The following TSNAX variants were observed in gnomAD, a reference collection of about 807,000 sequenced individuals.
TSNAX encodes translin associated factor X.
In TSNAX, 12 loss-of-function variants were observed where a neutral mutation model predicts 33.0. The observed-to-expected ratio is 0.36, with a 90% CI of 0.23 to 0.59. TSNAX has a LOEUF of 0.59. TSNAX is among the 20% of genes least tolerant of loss of function. The pLI is 0.74. For synonymous variants in TSNAX, 110 were observed against 117.2 expected, an observed-to-expected ratio of 0.94 and a Z score of 0.40; for missense variants, 267 against 341.3, an observed-to-expected ratio of 0.78 and a Z score of 1.72.
chr1:231,545,538 T>G (rs2124911114), intron 4 of TSNAX, among the ~76,000 whole-genome samples: 1 of 152,278 alleles, frequency 6.6e-6, no homozygotes, highest in Admixed American at 6.5e-5. Context: ...AAAAAAAAAT[T>G]TGTGTCCTGT....
At chr1:231,540,212 A>G (rs113659193) in intron 3 of TSNAX, among the ~76,000 whole-genome samples, 26 of 151,984 alleles carry the variant, frequency 1.7e-4, no homozygotes, top group African/African-American at 6.0e-4. Context: ...TATGAAAGAA[A>G]TGAGCCAGTC....
intron 4 of TSNAX, among the ~76,000 whole-genome samples, chr1:231,548,865 A>G (rs1558129622): frequency 6.6e-6 from 1 of 152,248 alleles, no homozygotes. Flanking sequence ...AGGAGAGTGT[A>G]GAGTGAGAAT....
chr1:231,563,214 A>G (rs1228934501), intron 5 of TSNAX, among the ~76,000 whole-genome samples: 6 of 152,198 alleles, frequency 3.9e-5, no homozygotes, highest in Non-Finnish European at 7.4e-5. Flanking sequence ...ATGTCCTTTG[A>G]TGTAACTGCA....
At chr1:231,554,969 G>T (rs1558133573) in intron 4 of TSNAX, among the ~76,000 whole-genome samples, 1 of 152,168 alleles carries the variant, frequency 6.6e-6, no homozygotes, top group Non-Finnish European at 1.5e-5. Context: ...TGGATGTAAA[G>T]TTCCAGATCC....
In TSNAX at chr1:231,566,517, C is replaced by G. The variant is rs1661447745; in HGVS notation, c.*1612C>G. ...TAAAGAAAATAAAACATGGACATGC[C>G]TAGTAAATTCTGTTTTTTTGTTTGT... On this transcript the variant is annotated 3_prime_UTR_variant, in exon 6 of 6. Transcript: ENST00000366639. The G allele has an allele frequency of 6.6e-6, 1 of 152,020 alleles. No individual in the cohort carries two copies. Among genetic ancestry groups the G allele is most frequent in the African/African-American group, 2.4e-5 (1 of 41,380 alleles). The allele number at this position is 152,020 out of a possible 1,614,324, so 9.4% of individuals were successfully genotyped here.
Position 231,528,846 on chromosome 1 carries a change from G to C in TSNAX, c.16+20G>C. 1 of 1,614,102 alleles carries C rather than the reference G, an allele frequency of 6.2e-7. No homozygotes were observed. Among genetic ancestry groups the C allele is most frequent in the Non-Finnish European group, 8.5e-7 (1 of 1,180,002 alleles). The stretch of plus-strand genomic sequence containing the variant: ...AAGAAGGTGGCGTCCTTAACAACAC[G>C]GGGCGTTATTTATCCGGAGGGGGAG... On this transcript the variant is annotated intron_variant, in intron 1 of 5. Transcript: ENST00000366639.
At chr1:231,554,420 G>A (rs1215882000) in intron 4 of TSNAX, among the ~76,000 whole-genome samples, 1 of 152,122 alleles carries the variant, frequency 6.6e-6, no homozygotes, top group African/African-American at 2.4e-5. Context: ...GCTATCTTTG[G>A]GAGAGGGCCA....
chr1:231,537,462 T>G (rs12063474), intron 3 of TSNAX, 135 bp downstream of exon 3: 121,499 of 540,076 alleles, frequency 0.22, 14,634 homozygotes, highest in Admixed American at 0.3. Context: ...AGGTCTCAGC[T>G]GGGTGTGGTG....
At chr1:231,560,506 C>G (rs1176480736) in intron 4 of TSNAX, among the ~76,000 whole-genome samples, 1 of 139,928 alleles carries the variant, frequency 7.1e-6, no homozygotes, top group Non-Finnish European at 1.5e-5. Flanking sequence ...CCTTCGGCTC[C>G]TGGGTTCAAG....
chr1:231,550,534 A>G (rs995285111), intron 4 of TSNAX, among the ~76,000 whole-genome samples: 2 of 152,338 alleles, frequency 1.3e-5, no homozygotes, highest in South Asian at 2.1e-4. Context: ...TATTTGAGGC[A>G]TGGCCCCCTG....
At chr1:231,540,193 A>G (rs1659481643) in intron 3 of TSNAX, among the ~76,000 whole-genome samples, 1 of 151,298 alleles carries the variant, frequency 6.6e-6, no homozygotes, top group Non-Finnish European at 1.5e-5. Context: ...AAAAAAAAAA[A>G]AAAAACTTTA....
At chr1:231,562,150 A>G (rs1260539714) in intron 5 of TSNAX, among the ~76,000 whole-genome samples, 2 of 148,732 alleles carry the variant, frequency 1.3e-5, no homozygotes, top group Non-Finnish European at 3.0e-5. Flanking sequence ...AATTTATATT[A>G]TTTAAATAAT....
chr1:231,559,331 T>TGTTGTTGTC (rs1660886671), intron 4 of TSNAX, among the ~76,000 whole-genome samples: 1 of 152,076 alleles, frequency 6.6e-6, no homozygotes, highest in Non-Finnish European at 1.5e-5. Context: ...TTGTTGTTGT[T>TGTTGTTGTC]GTTGTTGTTG....
At chr1:231,561,343 T>G (rs1282983484) in intron 5 of TSNAX, 88 bp downstream of exon 5, 10 of 1,071,084 alleles carry the variant, frequency 9.3e-6, no homozygotes, top group Non-Finnish European at 1.3e-5. Flanking sequence ...TATGCTAAGA[T>G]TGAGATGGGA....
At chr1:231,531,777 G>A (rs923995383) in intron 2 of TSNAX, among the ~76,000 whole-genome samples, 1 of 152,128 alleles carries the variant, frequency 6.6e-6, no homozygotes, top group African/African-American at 2.4e-5. Flanking sequence ...GGAGTGAAAA[G>A]ACTTGGGAAA....
At chr1:231,530,129 G>C (rs1658575929) in intron 2 of TSNAX, among the ~76,000 whole-genome samples, 1 of 152,244 alleles carries the variant, frequency 6.6e-6, no homozygotes, top group Non-Finnish European at 1.5e-5. Flanking sequence ...TTCAGAGAGA[G>C]AGAGTGCAAG....
Position 231,566,415 on chromosome 1 carries a change from T to C in TSNAX, c.*1510T>C, listed in dbSNP as rs1661441216. The C allele has an allele frequency of 6.6e-6, 1 of 152,480 alleles. No individual in the cohort carries two copies. The highest frequency in any genetic ancestry group is 2.1e-4 in the South Asian group (1 of 4,838). 9.4% of individuals were successfully genotyped at this position (152,480 alleles called of 1,614,324 possible). On this transcript the variant is annotated 3_prime_UTR_variant, in exon 6 of 6. Coordinates refer to ENST00000366639, the MANE Select transcript of TSNAX (RefSeq NM_005999.3). The stretch of plus-strand genomic sequence containing the variant: ...TTGTAAGTTTTGAGAATCTAGATAC[T>C]GGGTTTTATTTTTTGAAAGATTAGC...
At chr1:231,560,569 C>A (rs142327234) in intron 4 of TSNAX, among the ~76,000 whole-genome samples, 3,600 of 151,652 alleles carry the variant, frequency 0.024, 54 homozygotes, top group Non-Finnish European at 0.034. Flanking sequence ...CTCCTGCCAC[C>A]ACACCCGGCT....
At chr1:231,539,204 CT>C (rs534379321) in intron 3 of TSNAX, among the ~76,000 whole-genome samples, 1 of 151,794 alleles carries the variant, frequency 6.6e-6, no homozygotes, top group Admixed American at 6.6e-5. Context: ...ATTATGGACA[CT>C]TTTTTTTAGT....
Sources: gnomAD v4.1 joint callset for allele counts (sites outside exome capture counted in the v4.1 genomes callset) on GRCh38, gnomAD v4.1.1 for gene constraint, MANE v1.5 for transcripts, NCBI Gene and HGNC (gene_info 2026-07-23, HGNC 2026-07-21) for gene names.